CDHR1: variants seen among roughly 807,000 people sequenced by gnomAD.
CDHR1 encodes the protein cadherin-related family member 1.
A neutral mutation model predicts 72.1 loss-of-function variants in CDHR1; 61 were observed. The observed-to-expected ratio is 0.85, with a 90% CI of 0.69 to 1.05. The LOEUF (loss-of-function observed/expected upper bound fraction) is 1.05, where lower values mean the gene tolerates loss of function less well. CDHR1 is among the 50% of genes least tolerant of loss of function. The pLI, the probability that CDHR1 is intolerant of heterozygous loss-of-function variation, is 0.00. For missense variants in CDHR1, 1,186 were observed against 1,115.7 expected (o/e 1.06, Z -0.90); for synonymous variants, 470 against 448.1 (o/e 1.05, Z -0.62).
rs575893385 is a variant in CDHR1 at position 84,204,571 on chromosome 10, C to T, written c.828C>T (p.Gly276=). The change falls in exon 9 of 17, where the codon GGC becomes GGT. Residue 276 remains glycine, a synonymous_variant. Transcript: ENST00000623527. ...TGGTCGCCATGGATGGAGACCGGGG[C>T]AAACCCAATCGAATTCTCTACAGCC... ...LKVVAMDGDR[G]KPNRILYSLV... 3 of 1,613,806 alleles carry T rather than the reference C, an allele frequency of 1.9e-6. No individual in the cohort carries two copies. Among genetic ancestry groups the T allele is most frequent in the South Asian group, 2.2e-5 (2 of 91,076 alleles).
At chr10:84,198,958 G>A in intron 4 of CDHR1, 74 bp from the exon 5 acceptor site, 2 of 1,087,534 alleles carry the variant, frequency 1.8e-6, no homozygotes, top group Admixed American at 2.0e-5. Flanking sequence ...ACATTGGAGT[G>A]ATAGAGGTCG....
chr10:84,194,930 C>T, intron 1 of CDHR1, 115 bp downstream of exon 1: 1 of 1,014,006 alleles, frequency 9.9e-7, no homozygotes, highest in Non-Finnish European at 1.5e-6. Context: ...GGGACTCGGG[C>T]TGGTGGACGG....
Position 84,206,572 on chromosome 10 carries a change from A to C in CDHR1, c.963+645A>C, listed in dbSNP as rs1842230383. Reference sequence around the variant, plus strand: ...TAGCTGGTCCTACCCAAGAGCAGTAAGGAGCCATTGGAAGGTTTTCAGCAG... The same window carrying C: ...TAGCTGGTCCTACCCAAGAGCAGTACGGAGCCATTGGAAGGTTTTCAGCAG... On this transcript the variant is annotated intron_variant, in intron 10 of 16. Transcript: ENST00000623527. Among the ~76,000 whole-genome samples, 3 of 152,242 alleles carry C rather than the reference A, an allele frequency of 2.0e-5. No homozygotes were observed. In the South Asian group the frequency reaches 6.2e-4, roughly 31 times the overall value.
In CDHR1 at chr10:84,212,284, G is replaced by A. The variant is rs1160880943; in HGVS notation, c.1659G>A (p.Met553Ile). The stretch of plus-strand genomic sequence containing the variant: ...ACTTCTATGTGAAGGCAGAGGACAT[G>A]GAAGGCAAGTACAGCGTAGCTGAGG... ...RYNFYVKAED[M>I]EGKYSVAEVF... Residue 553 changes from methionine to isoleucine, a missense_variant, in exon 15 of 17, where the codon ATG becomes ATA. Transcript: ENST00000623527. 1 of 1,614,106 alleles carries A rather than the reference G, an allele frequency of 6.2e-7. No individual in the cohort carries two copies. Among genetic ancestry groups the A allele is most frequent in the East Asian group, 2.2e-5 (1 of 44,896 alleles).
chr10:84,216,553 A>C lies in CDHR1; in HGVS notation c.*1932A>C. On this transcript the variant is annotated 3_prime_UTR_variant, in exon 17 of 17. Transcript: ENST00000623527. ...TGCTGATCCCCTGCTCCCTGCTTTC[A>C]TTTATGTTTGCTGACCTGTGGAGAC... 2.0e-6 allele frequency: 2 copies of C among 985,466 alleles called. No individual in the cohort carries two copies. Among genetic ancestry groups the C allele is most frequent in the Non-Finnish European group, 2.4e-6 (2 of 829,946 alleles). The allele number at this position is 985,466 out of a possible 1,614,324, so 61.0% of individuals were successfully genotyped here.
At position 84,214,230 on chromosome 10, in the gene CDHR1, C is replaced by T. The variant is rs779187975; in HGVS notation, c.2189C>T (p.Ser730Phe). The change falls in exon 17 of 17, where the codon TCT (serine) becomes TTT (phenylalanine). Residue 730 changes from serine (S) to phenylalanine (F), a missense_variant. Transcript: ENST00000623527. ...GCCACCTTCTGGCGCAACAAGAAGT[C>T]TAACAAGGTCCTGCCAATGCGGCGG... ...STATFWRNKK[S>F]NKVLPMRRVL... is the part of the protein sequence containing the mutation. 4.0e-5 allele frequency: 64 copies of T among 1,613,532 alleles called. No homozygotes were observed. The highest frequency in any genetic ancestry group is 5.0e-5 in the Non-Finnish European group (59 of 1,179,880).
chr10:84,214,063 G>GA lies in CDHR1; in HGVS notation c.2041-18dup, dbSNP rs773020840. 8.1e-6 allele frequency: 13 copies of GA among 1,614,142 alleles called. No homozygotes were observed. The South Asian group carries it at 1.4e-4, about 18-fold the overall frequency. On this transcript the variant is annotated intron_variant, in intron 16 of 16. Coordinates refer to ENST00000623527, the MANE Select transcript of CDHR1 (RefSeq NM_033100.4). ...CCAGGTGGGAACAGCTGAGTGCAGGGAGTGGCTTTCTCTTTCAGACCCTCT... is the reference window on the plus strand; with the variant it reads ...CCAGGTGGGAACAGCTGAGTGCAGGGAAGTGGCTTTCTCTTTCAGACCCTCT...
chr10:84,198,928 A>T, intron 4 of CDHR1, 104 bp from the exon 5 acceptor site: 1 of 800,508 alleles, frequency 1.2e-6, no homozygotes, highest in East Asian at 2.7e-5. Flanking sequence ...GAGAGAGAGG[A>T]GGGATGGGCA....
intron 5 of CDHR1, among the ~76,000 whole-genome samples, chr10:84,200,121 G>GATC (rs1842096423): frequency 6.7e-6 from 1 of 150,168 alleles, no homozygotes; most frequent in South Asian, 2.1e-4. Context: ...AGTGAGCCAA[G>GATC]ATCACGCCAT....
At chr10:84,197,916 C>A in intron 4 of CDHR1, 80 bp downstream of exon 4, 2 of 1,386,488 alleles carry the variant, frequency 1.4e-6, no homozygotes, top group Non-Finnish European at 2.0e-6. Context: ...GATTCCTCCC[C>A]AAGCCTTCAT....
rs1022432734 is a variant in CDHR1 at position 84,217,738 on chromosome 10, C to T, written c.*3117C>T. 1.0e-5 allele frequency: 10 copies of T among 985,348 alleles called. No homozygotes were observed. The highest frequency in any genetic ancestry group is 5.2e-4 in the Middle Eastern group (1 of 1,936). The allele number at this position is 985,348 out of a possible 1,614,324, so 61.0% of individuals were successfully genotyped here. A position where few individuals can be genotyped will look rare whatever the true frequency, so the allele number is the denominator to read the frequency against. ...GGATGTTTCCACCCACCTGTAGGTC[C>T]AGAAGCTTTTACTTCATGCTAGAAA... On this transcript the variant is annotated 3_prime_UTR_variant, in exon 17 of 17. Transcript: ENST00000623527.
chr10:84,219,029 C>G (rs1279830792), downstream of CDHR1: 1 of 725,714 alleles, frequency 1.4e-6, no homozygotes, highest in African/African-American at 1.8e-5. Flanking sequence ...GTTATTATCC[C>G]CATTTTACAG....
Position 84,214,147 on chromosome 10 carries a change from G to A in CDHR1, c.2106G>A (p.Val702=), listed in dbSNP as rs745944026. 2 of 1,614,188 alleles carry A rather than the reference G, an allele frequency of 1.2e-6. No individual in the cohort carries two copies. Among genetic ancestry groups the A allele is most frequent in the Non-Finnish European group, 8.5e-7 (1 of 1,180,036 alleles). ...CCAAGGACAACCCCATGAAGGCCGT[G>A]GGTGTGCTGGCCGGCACCATGGCCA... The part of the protein sequence containing the change: ...IQTKDNPMKA[V]GVLAGTMATV... Residue 702 remains valine (V), a synonymous_variant, in exon 17 of 17, where the codon GTG becomes GTA. Coordinates refer to ENST00000623527, the MANE Select transcript of CDHR1 (RefSeq NM_033100.4).
At chr10:84,210,417 C>G (rs1842308057) in intron 12 of CDHR1, among the ~76,000 whole-genome samples, 1 of 152,006 alleles carries the variant, frequency 6.6e-6, no homozygotes, top group Non-Finnish European at 1.5e-5. Context: ...AGACACACAT[C>G]ATCACACCCG....
At chr10:84,209,590 C>A (rs1842291572) in intron 12 of CDHR1, among the ~76,000 whole-genome samples, 1 of 146,044 alleles carries the variant, frequency 6.8e-6, no homozygotes, top group Non-Finnish European at 1.5e-5. Flanking sequence ...AAAAGACAGT[C>A]ATTATTTGCA....
Position 84,216,480 on chromosome 10 carries a change from A to G in CDHR1, c.*1859A>G, listed in dbSNP as rs1475614058. 6.1e-6 allele frequency: 6 copies of G among 985,410 alleles called. No individual in the cohort carries two copies. Among genetic ancestry groups the G allele is most frequent in the Non-Finnish European group, 7.2e-6 (6 of 829,984 alleles). 61.0% of individuals were successfully genotyped at this position (985,410 alleles called of 1,614,324 possible). A position where few individuals can be genotyped will look rare whatever the true frequency, so the allele number is the denominator to read the frequency against. On this transcript the variant is annotated 3_prime_UTR_variant, in exon 17 of 17. Coordinates refer to ENST00000623527, the MANE Select transcript of CDHR1 (RefSeq NM_033100.4). The stretch of plus-strand genomic sequence containing the variant: ...ACAGCATCCTTACAGCTTGCATGCA[A>G]TCAACCTCTTTTGTAAATGGAAAAT...
chr10:84,195,640 C>A, intron 2 of CDHR1, 51 bp downstream of exon 2: 1 of 1,498,058 alleles, frequency 6.7e-7, no homozygotes, highest in Non-Finnish European at 9.3e-7. Context: ...GGGGTGCAGG[C>A]AGACTTAGAA....
intron 6 of CDHR1, among the ~76,000 whole-genome samples, chr10:84,201,424 A>C (rs1842122941): frequency 6.6e-6 from 1 of 152,140 alleles, no homozygotes; most frequent in African/African-American, 2.4e-5. Context: ...GAAGGTCCCA[A>C]CGTTTCTCTC....
chr10:84,200,553 A>T, intron 5 of CDHR1, 48 bp from the exon 6 acceptor site: 1 of 1,339,156 alleles, frequency 7.5e-7, no homozygotes, highest in Non-Finnish European at 1.1e-6. Flanking sequence ...TCCCCCTGAG[A>T]ATGCTGTCAC....
Sources: allele counts gnomAD v4.1 joint callset (sites outside exome capture counted in the v4.1 genomes callset), GRCh38; gene constraint gnomAD v4.1.1; transcripts MANE v1.5; gene names NCBI Gene and HGNC (gene_info 2026-07-23, HGNC 2026-07-21).